Variants in TMTC2 observed in about 807,000 individuals in gnomAD.
TMTC2 encodes the protein transmembrane O-mannosyltransferase targeting cadherins 2.
Under a neutral mutation model 82.4 loss-of-function variants are expected in TMTC2, and 43 were observed. That is an observed-to-expected ratio of 0.52 (90% CI 0.41 to 0.67). The LOEUF is 0.67. Ranked by LOEUF, TMTC2 falls within the 30% of genes least tolerant of loss-of-function variation. The pLI is 0.00. For synonymous variants in TMTC2, 408 were observed against 381.9 expected (o/e 1.07, Z -0.80); for missense variants, 919 against 1,012.4 (o/e 0.91, Z 1.25).
intron 1 of TMTC2, among the ~76,000 whole-genome samples, chr12:82,721,423 T>A (rs1277409386): frequency 2.0e-5 from 3 of 152,222 alleles, no homozygotes; most frequent in Non-Finnish European, 4.4e-5. Context: ...ATTTTGTTTT[T>A]TTCTTTCTGA....
intron 1 of TMTC2, among the ~76,000 whole-genome samples, chr12:82,839,643 G>T (rs1181738766): frequency 6.6e-6 from 1 of 152,076 alleles, no homozygotes; most frequent in Admixed American, 6.6e-5. Context: ...CCTAATTTGT[G>T]CAAGAAAAAA....
At chr12:82,703,614 T>G (rs1873198197) in intron 1 of TMTC2, among the ~76,000 whole-genome samples, 2 of 150,930 alleles carry the variant, frequency 1.3e-5, no homozygotes, top group African/African-American at 2.4e-5. Flanking sequence ...TTCTCCTGCC[T>G]CAGCCTCCCG....
At chr12:82,985,398 A>G (rs1414372056) in intron 7 of TMTC2, among the ~76,000 whole-genome samples, 2 of 152,172 alleles carry the variant, frequency 1.3e-5, no homozygotes, top group Admixed American at 1.3e-4. Context: ...TCTTTAAAGA[A>G]ATTAGCAGCA....
At chr12:82,816,706 A>G (rs77818984) in intron 1 of TMTC2, among the ~76,000 whole-genome samples, 81 of 152,240 alleles carry the variant, frequency 5.3e-4, no homozygotes, top group African/African-American at 1.9e-3. Context: ...TTTTTGGCCT[A>G]TAGTGCTCTC....
At chr12:82,927,055 C>T (rs1399492808) in intron 3 of TMTC2, among the ~76,000 whole-genome samples, 1 of 152,156 alleles carries the variant, frequency 6.6e-6, no homozygotes. Context: ...ATTATTTTGA[C>T]TTTCAAGTCT....
chr12:82,703,782 CG>C (rs2136902462), intron 1 of TMTC2, among the ~76,000 whole-genome samples: 1 of 152,224 alleles, frequency 6.6e-6, no homozygotes, highest in East Asian at 1.9e-4. Flanking sequence ...CCACCGTGCC[CG>C]GCCAAAGATA....
intron 2 of TMTC2, among the ~76,000 whole-genome samples, chr12:82,889,501 T>C (rs946892012): frequency 6.6e-6 from 1 of 152,146 alleles, no homozygotes; most frequent in African/African-American, 2.4e-5. Context: ...CTGTTATTCA[T>C]GTACTCATCT....
At chr12:83,004,812 G>A (rs1880094975) in intron 8 of TMTC2, among the ~76,000 whole-genome samples, 1 of 128,864 alleles carries the variant, frequency 7.8e-6, no homozygotes, top group Non-Finnish European at 1.6e-5. Context: ...TCCAGTAGAT[G>A]GTGCTTAAGA....
intron 6 of TMTC2, among the ~76,000 whole-genome samples, chr12:82,966,647 T>C (rs183404664): frequency 8.5e-4 from 129 of 152,272 alleles, no homozygotes; most frequent in Admixed American, 7.8e-3. Context: ...TTGAGTAATC[T>C]GCATGAACTA....
rs373579746 is a variant in TMTC2 at position 83,037,981 on chromosome 12, G to C, written c.2152+7102G>C. Among the ~76,000 whole-genome samples, 121 of 152,060 alleles carry C rather than the reference G, an allele frequency of 8.0e-4. 3 individuals carry two copies. The South Asian group carries it at 0.023, about 29-fold the overall frequency. ...TAAAGAACAAGAGATAGGAACAAAT[G>C]ATACAACCGGTTTTAAAAGTTAGGT... On this transcript the variant is annotated intron_variant, in intron 9 of 11. Transcript: ENST00000321196.
intron 10 of TMTC2, among the ~76,000 whole-genome samples, chr12:83,058,872 T>C (rs1592721216): frequency 1.3e-5 from 2 of 151,852 alleles, no homozygotes; most frequent in Non-Finnish European, 2.9e-5. Flanking sequence ...TTGTGAGCTT[T>C]TAAAAATGAG....
In TMTC2 at chr12:83,059,071, G is replaced by A. The variant is rs114066592; in HGVS notation, c.2268-2697G>A. Among the ~76,000 whole-genome samples the A allele has an allele frequency of 3.0e-3, 462 of 151,874 alleles. 4 individuals carry two copies. The highest frequency in any genetic ancestry group is 0.01 in the African/African-American group (432 of 41,478). ...GAAATAGGGAAGGAAGAAGGGATAC[G>A]AGTATGCAGGAAGTGTTATTTTATT... On this transcript the variant is annotated intron_variant, in intron 10 of 11. Transcript: ENST00000321196.
intron 1 of TMTC2, among the ~76,000 whole-genome samples, chr12:82,712,154 G>A (rs1873656823): frequency 6.6e-6 from 1 of 152,170 alleles, no homozygotes; most frequent in African/African-American, 2.4e-5. Flanking sequence ...CACCTTGGCT[G>A]GGTGCAATGG....
chr12:82,958,432 G>T (rs1048006944), intron 4 of TMTC2, among the ~76,000 whole-genome samples: 7 of 148,282 alleles, frequency 4.7e-5, no homozygotes, highest in African/African-American at 1.0e-4. Context: ...AAAATCTTCA[G>T]TAAAATACTA....
At chr12:82,827,641 C>A (rs1869490498) in intron 1 of TMTC2, among the ~76,000 whole-genome samples, 1 of 151,592 alleles carries the variant, frequency 6.6e-6, no homozygotes, top group Non-Finnish European at 1.5e-5. Context: ...TAAGGATGAA[C>A]ATCTTCTTTC....
chr12:82,712,160 A>G (rs983663182), intron 1 of TMTC2, among the ~76,000 whole-genome samples: 5 of 152,176 alleles, frequency 3.3e-5, no homozygotes, highest in African/African-American at 7.2e-5. Context: ...GGCTGGGTGC[A>G]ATGGCTTACG....
chr12:83,090,615 C>T (rs1268860720), intron 11 of TMTC2, among the ~76,000 whole-genome samples: 2 of 152,070 alleles, frequency 1.3e-5, no homozygotes, highest in East Asian at 1.9e-4. Flanking sequence ...GGCACTCTAC[C>T]TCTCATTTCT....
chr12:82,885,205 A>G (rs956300971), intron 2 of TMTC2, among the ~76,000 whole-genome samples: 8 of 144,586 alleles, frequency 5.5e-5, no homozygotes, highest in African/African-American at 2.0e-4. Context: ...ACCCAGCCAG[A>G]CTTTGTTTTT....
intron 1 of TMTC2, among the ~76,000 whole-genome samples, chr12:82,823,462 A>G (rs1343653299): frequency 6.6e-6 from 1 of 152,204 alleles, no homozygotes; most frequent in African/African-American, 2.4e-5. Context: ...TATTTATATG[A>G]GTACTCTGCT....
Sources: allele counts gnomAD v4.1 joint callset (sites outside exome capture counted in the v4.1 genomes callset), GRCh38; gene constraint gnomAD v4.1.1; transcripts MANE v1.5; gene names NCBI Gene and HGNC (gene_info 2026-07-23, HGNC 2026-07-21).